The following FBXW8 variants were observed in gnomAD, a reference collection of about 807,000 sequenced individuals.
FBXW8 encodes F-box and WD repeat domain containing 8.
A neutral mutation model predicts 65.3 loss-of-function variants in FBXW8; 57 were observed. The observed-to-expected ratio is 0.87, with a 90% CI of 0.71 to 1.09. The LOEUF (loss-of-function observed/expected upper bound fraction) is 1.09, where lower values mean the gene tolerates loss of function less well. FBXW8 is among the 50% of genes least tolerant of loss of function. The pLI is 0.00. For missense variants in FBXW8, 777 were observed against 814.8 expected (o/e 0.95, Z 0.57); for synonymous variants, 308 against 330.2 (o/e 0.93, Z 0.73).
In FBXW8 at chr12:116,964,833, G is replaced by A; in HGVS notation, c.814G>A (p.Ala272Thr). 6.2e-7 allele frequency: 1 copy of A among 1,610,788 alleles called. No individual in the cohort carries two copies. The highest frequency in any genetic ancestry group is 8.5e-7 in the Non-Finnish European group (1 of 1,178,778). Residue 272 changes from alanine to threonine, a missense_variant, in exon 5 of 11, where the codon GCA becomes ACA. Coordinates refer to ENST00000652555, the MANE Select transcript of FBXW8 (RefSeq NM_153348.3). ...CTTTGTGAGGATAAACAGCTCGTTG[G>A]CAGTAGCAGCTTATGAGGATGGTAA... ...VSFVRINSSL[A>T]VAAYEDGFLN...
At chr12:116,930,636 G>A (rs1373461551) in intron 2 of FBXW8, among the ~76,000 whole-genome samples, 4 of 152,076 alleles carry the variant, frequency 2.6e-5, no homozygotes, top group Non-Finnish European at 5.9e-5. Flanking sequence ...CTGTACAAAA[G>A]CTTTTTAGTT....
chr12:117,001,716 A>G (rs1953525648), intron 7 of FBXW8, among the ~76,000 whole-genome samples: 1 of 152,184 alleles, frequency 6.6e-6, no homozygotes, highest in Non-Finnish European at 1.5e-5. Flanking sequence ...TGTTGGGAGC[A>G]TGAAGGAGGG....
chr12:117,027,252 T>G, intron 9 of FBXW8, 142 bp from the exon 10 acceptor site: 1 of 668,288 alleles, frequency 1.5e-6, no homozygotes, highest in Non-Finnish European at 2.6e-6. Context: ...ACTGCTTCCA[T>G]GGGGGCCCTG....
chr12:117,026,616 C>T (rs1250384486), intron 9 of FBXW8, among the ~76,000 whole-genome samples: 1 of 152,252 alleles, frequency 6.6e-6, no homozygotes, highest in Non-Finnish European at 1.5e-5. Context: ...TCCCAGCCCA[C>T]AGCACCTCCT....
At chr12:116,928,745 G>A (rs1189320486) in intron 2 of FBXW8, among the ~76,000 whole-genome samples, 1 of 152,098 alleles carries the variant, frequency 6.6e-6, no homozygotes, top group African/African-American at 2.4e-5. Flanking sequence ...TTGTGTTTAG[G>A]AATCATGGGG....
chr12:117,022,333 TTATAGTGAC>T (rs1434087419), intron 8 of FBXW8, among the ~76,000 whole-genome samples: 1 of 151,610 alleles, frequency 6.6e-6, no homozygotes, highest in East Asian at 1.9e-4. Context: ...TCTGAATAGA[TTATAGTGAC>T]TAAAGAAACT....
At chr12:116,981,302 T>C (rs1885287667) in intron 5 of FBXW8, among the ~76,000 whole-genome samples, 1 of 152,224 alleles carries the variant, frequency 6.6e-6, no homozygotes, top group Non-Finnish European at 1.5e-5. Context: ...CCATATGCTT[T>C]TGGGGCAGAT....
intron 7 of FBXW8, among the ~76,000 whole-genome samples, chr12:116,990,268 T>C (rs1483994194): frequency 1.3e-5 from 2 of 152,324 alleles, no homozygotes; most frequent in East Asian, 3.9e-4. Flanking sequence ...CTGCAAACTT[T>C]ATCATCTCAT....
intron 2 of FBXW8, among the ~76,000 whole-genome samples, chr12:116,929,360 G>T (rs916379599): frequency 6.6e-6 from 1 of 151,928 alleles, no homozygotes; most frequent in Non-Finnish European, 1.5e-5. Flanking sequence ...TCAGCCACCC[G>T]CATAGCTGGG....
chr12:117,022,541 G>C (rs1300234095), intron 8 of FBXW8, among the ~76,000 whole-genome samples: 1 of 152,094 alleles, frequency 6.6e-6, no homozygotes, highest in Non-Finnish European at 1.5e-5. Context: ...TGTAGTCCCA[G>C]CTATTCGGGA....
chr12:116,942,946 T>C (rs1882704563), intron 2 of FBXW8, among the ~76,000 whole-genome samples: 1 of 151,684 alleles, frequency 6.6e-6, no homozygotes, highest in African/African-American at 2.4e-5. Flanking sequence ...CCTGGATAAT[T>C]TTTTGTATTT....
At chr12:116,954,129 A>AAAAAAG (rs1466387819) in intron 4 of FBXW8, among the ~76,000 whole-genome samples, 12 of 151,678 alleles carry the variant, frequency 7.9e-5, no homozygotes, top group African/African-American at 2.4e-4. Flanking sequence ...AAAAAAAAAA[A>AAAAAAG]AAAAAGAAAA....
chr12:117,024,282 T>C lies in FBXW8; in HGVS notation c.1503T>C (p.Asp501=), dbSNP rs767643703. 7 of 1,613,998 alleles carry C rather than the reference T, an allele frequency of 4.3e-6. No homozygotes were observed. The African/African-American group carries it at 8.0e-5, about 18-fold the overall frequency. ...GGEEGLVSVW[D]YRMNQKLWEV... is the part of the protein sequence containing the mutation. ...AGGAAGGCCTGGTGTCCGTGTGGGA[T>C]TATCGGATGAACCAGAAGCTGTGGG... Residue 501 remains aspartate, a synonymous_variant, in exon 9 of 11, where the codon GAT becomes GAC. Coordinates refer to ENST00000652555, the MANE Select transcript of FBXW8 (RefSeq NM_153348.3).
intron 1 of FBXW8, among the ~76,000 whole-genome samples, chr12:116,916,953 T>C (rs1169822113): frequency 6.6e-6 from 1 of 151,612 alleles, no homozygotes; most frequent in Non-Finnish European, 1.5e-5. Flanking sequence ...GGGTTATGAG[T>C]CATCATACAG....
intron 9 of FBXW8, among the ~76,000 whole-genome samples, chr12:117,026,315 C>T (rs997305614): frequency 4.2e-5 from 6 of 143,640 alleles, no homozygotes; most frequent in Non-Finnish European, 7.5e-5. Flanking sequence ...CCAAGCCTGC[C>T]CTCCCTCCCC....
intron 3 of FBXW8, among the ~76,000 whole-genome samples, chr12:116,948,529 A>AAAT (rs929161055): frequency 6.6e-6 from 1 of 152,172 alleles, no homozygotes; most frequent in Admixed American, 6.5e-5. Context: ...CTAATAATAG[A>AAAT]AATAATAATA....
At chr12:116,925,186 GC>G (rs988759259) in intron 1 of FBXW8, among the ~76,000 whole-genome samples, 4 of 152,242 alleles carry the variant, frequency 2.6e-5, no homozygotes, top group Admixed American at 2.6e-4. Flanking sequence ...GAGCAAGGGG[GC>G]CAGGCCTTTG....
At chr12:116,935,595 C>T (rs1432175084) in intron 2 of FBXW8, among the ~76,000 whole-genome samples, 2 of 152,162 alleles carry the variant, frequency 1.3e-5, no homozygotes, top group African/African-American at 2.4e-5. Context: ...GTTTTGGCTG[C>T]CTCCTTTAAG....
At chr12:116,955,037 G>GA (rs1491388361) in intron 4 of FBXW8, among the ~76,000 whole-genome samples, 1 of 21,360 alleles carries the variant, frequency 4.7e-5, no homozygotes, top group Non-Finnish European at 4.0e-4. Flanking sequence ...CTCTTGAAAT[G>GA]GGGGGGGGGG....
Sources: gnomAD v4.1 joint callset for allele counts (sites outside exome capture counted in the v4.1 genomes callset) on GRCh38, gnomAD v4.1.1 for gene constraint, MANE v1.5 for transcripts, NCBI Gene and HGNC (gene_info 2026-07-23, HGNC 2026-07-21) for gene names.